Variants in SLC35F3 observed in about 807,000 individuals in gnomAD.
SLC35F3 encodes the protein solute carrier family 35 member F3.
SLC35F3 carries 25 observed loss-of-function variants against 49.9 expected under a neutral mutation model. That is an observed-to-expected ratio of 0.50 (90% confidence interval 0.37 to 0.70). The LOEUF (loss-of-function observed/expected upper bound fraction) is 0.70, where lower values mean the gene tolerates loss of function less well. Ranked by LOEUF, SLC35F3 falls within the 30% of genes least tolerant of loss-of-function variation. SLC35F3 has a pLI of 0.00. For missense variants in SLC35F3, 525 were observed against 639.8 expected (o/e 0.82, Z 1.94); for synonymous variants, 275 against 265.4 (o/e 1.04, Z -0.35).
intron 3 of SLC35F3, among the ~76,000 whole-genome samples, chr1:234,304,839 T>C (rs1168174106): frequency 6.6e-6 from 1 of 151,930 alleles, no homozygotes; most frequent in African/African-American, 2.4e-5. Flanking sequence ...AGTTGGAATA[T>C]AAAGTCAAGA....
intron 2 of SLC35F3, among the ~76,000 whole-genome samples, chr1:234,010,228 GA>G (rs1663694180): frequency 1.3e-5 from 2 of 152,158 alleles, no homozygotes; most frequent in South Asian, 2.1e-4. Context: ...ATTTAAGGGG[GA>G]CACTAAAAGT....
chr1:234,301,417 C>T (rs657439), intron 3 of SLC35F3, among the ~76,000 whole-genome samples: 109,317 of 152,092 alleles, frequency 0.72, 39,890 homozygotes, highest in African/African-American at 0.85. Context: ...GACATTTACA[C>T]GGCCAACAAA....
At chr1:234,321,037 G>GCC (rs34198235) in intron 7 of SLC35F3, among the ~76,000 whole-genome samples, 38 of 131,842 alleles carry the variant, frequency 2.9e-4, no homozygotes, top group Middle Eastern at 4.2e-3. Flanking sequence ...TTAAAAGATT[G>GCC]CCCCCCCCCC....
At chr1:234,183,437 C>A (rs114321989) in intron 2 of SLC35F3, among the ~76,000 whole-genome samples, 1 of 142,690 alleles carries the variant, frequency 7.0e-6, no homozygotes, top group Non-Finnish European at 1.5e-5. Context: ...TTGTTTTTTA[C>A]GTATGTAAAT....
At chr1:233,994,029 G>T (rs994970224) in intron 2 of SLC35F3, among the ~76,000 whole-genome samples, 1 of 152,154 alleles carries the variant, frequency 6.6e-6, no homozygotes, top group African/African-American at 2.4e-5. Context: ...ATGGGGGAAA[G>T]GTATTTAATT....
chr1:234,102,281 A>G (rs975954371), intron 2 of SLC35F3, among the ~76,000 whole-genome samples: 3 of 152,146 alleles, frequency 2.0e-5, no homozygotes, highest in African/African-American at 7.2e-5. Flanking sequence ...TGAGAACAAG[A>G]GCTCAGGATG....
intron 2 of SLC35F3, among the ~76,000 whole-genome samples, chr1:234,171,303 A>G (rs1448521940): frequency 1.3e-5 from 2 of 152,178 alleles, no homozygotes; most frequent in Admixed American, 6.5e-5. Context: ...TGGCTTAATT[A>G]GTCTGGGATG....
rs1667093742 is a variant in SLC35F3 at position 234,214,632 on chromosome 1, A to G, written c.284-16785A>G. 1 of 1,495,110 alleles carries G rather than the reference A, an allele frequency of 6.7e-7. No individual in the cohort carries two copies. The highest frequency in any genetic ancestry group is 8.9e-7 in the Non-Finnish European group (1 of 1,119,344). 92.6% of individuals were successfully genotyped at this position (1,495,110 alleles called of 1,614,324 possible). ...TGCACCCTAGCCGGGGAATGCTGCCACCCTGAGGGGGGCTGTCTGGCTGCG... is the reference window on the plus strand; with the variant it reads ...TGCACCCTAGCCGGGGAATGCTGCCGCCCTGAGGGGGGCTGTCTGGCTGCG... On this transcript the variant is annotated intron_variant, in intron 2 of 7. Coordinates refer to ENST00000366618, the MANE Select transcript of SLC35F3 (RefSeq NM_173508.4). The surrounding 1 kb of genome is among the most constrained non-coding windows in gnomAD (Gnocchi z 8.0).
chr1:234,085,221 A>G (rs1664942666), intron 2 of SLC35F3, among the ~76,000 whole-genome samples: 1 of 152,208 alleles, frequency 6.6e-6, no homozygotes, highest in Non-Finnish European at 1.5e-5. Flanking sequence ...AGCTGGGTCC[A>G]AGGTAATTGT....
intron 2 of SLC35F3, among the ~76,000 whole-genome samples, chr1:234,205,400 G>A (rs879362220): frequency 1.5e-4 from 23 of 152,336 alleles, no homozygotes; most frequent in Admixed American, 1.1e-3. Context: ...GGCAGAGGTC[G>A]CAGTGAGCTG....
chr1:234,109,501 T>G (rs1405973793), intron 2 of SLC35F3, among the ~76,000 whole-genome samples: 1 of 152,194 alleles, frequency 6.6e-6, no homozygotes, highest in Non-Finnish European at 1.5e-5. Flanking sequence ...TTTAGGAGTC[T>G]CCCTTTCCAT....
At chr1:234,034,743 G>A (rs543915418) in intron 2 of SLC35F3, among the ~76,000 whole-genome samples, 135 of 152,138 alleles carry the variant, frequency 8.9e-4, no homozygotes, top group African/African-American at 3.0e-3. Context: ...GGCTAGTCTC[G>A]AACTCCTAGC....
intron 2 of SLC35F3, among the ~76,000 whole-genome samples, chr1:233,987,888 T>C (rs1408805640): frequency 6.6e-6 from 1 of 152,188 alleles, no homozygotes; most frequent in Non-Finnish European, 1.5e-5. Flanking sequence ...CCTGATACCA[T>C]ATTTTAATTT....
intron 2 of SLC35F3, among the ~76,000 whole-genome samples, chr1:234,029,952 A>G (rs1049868896): frequency 9.9e-5 from 15 of 152,212 alleles, no homozygotes; most frequent in South Asian, 2.1e-4. Context: ...TTGCCTCAGA[A>G]TTAGTTTTTC....
intron 2 of SLC35F3, among the ~76,000 whole-genome samples, chr1:234,209,116 A>T (rs533853143): frequency 1.3e-5 from 2 of 152,232 alleles, no homozygotes; most frequent in Non-Finnish European, 1.5e-5. Flanking sequence ...TCATGCTAAC[A>T]CCCTCAAAAG....
intron 2 of SLC35F3, among the ~76,000 whole-genome samples, chr1:234,074,983 G>T (rs980717045): frequency 1.3e-5 from 2 of 152,262 alleles, no homozygotes; most frequent in Non-Finnish European, 2.9e-5. Context: ...GAGTTTTTTT[G>T]ATGTTGGGAC....
chr1:234,070,100 A>G (rs964123375), intron 2 of SLC35F3, among the ~76,000 whole-genome samples: 1 of 152,232 alleles, frequency 6.6e-6, no homozygotes, highest in Non-Finnish European at 1.5e-5. Context: ...CCTGAGCAGC[A>G]CATACTCTGC....
intron 2 of SLC35F3, among the ~76,000 whole-genome samples, chr1:234,155,661 A>G (rs1666140410): frequency 6.6e-6 from 1 of 152,018 alleles, no homozygotes; most frequent in Admixed American, 6.5e-5. Context: ...AGGAATAGAA[A>G]GTAAGGGATC....
chr1:234,009,395 C>T (rs938320154), intron 2 of SLC35F3, among the ~76,000 whole-genome samples: 7 of 152,178 alleles, frequency 4.6e-5, no homozygotes, highest in African/African-American at 7.2e-5. Context: ...ATTAACTTTG[C>T]GACTGTTCCC....
Sources: gnomAD v4.1 joint callset for allele counts (sites outside exome capture counted in the v4.1 genomes callset) on GRCh38, gnomAD v4.1.1 for gene constraint, Gnocchi (gnomAD v3.1) non-coding constraint, MANE v1.5 for transcripts, NCBI Gene and HGNC (gene_info 2026-07-23, HGNC 2026-07-21) for gene names.